Variants in SEMA3D observed in about 807,000 individuals in gnomAD.
The protein encoded by SEMA3D is semaphorin 3D.
In SEMA3D, 84 loss-of-function variants were observed where a neutral mutation model predicts 100.1. The observed-to-expected ratio is 0.84, with a 90% CI of 0.70 to 1.01. SEMA3D has a LOEUF of 1.01. Among genes scored for constraint, SEMA3D ranks in the 50% least tolerant of loss-of-function variants. The pLI, the probability that SEMA3D is intolerant of heterozygous loss-of-function variation, is 0.00. For missense variants in SEMA3D, 875 were observed against 934.1 expected, an observed-to-expected ratio of 0.94 and a Z score of 0.82; for synonymous variants, 312 against 320.7, an observed-to-expected ratio of 0.97 and a Z score of 0.29.
At chr7:85,109,047 A>T (rs1789014640) in intron 3 of SEMA3D, among the ~76,000 whole-genome samples, 1 of 151,954 alleles carries the variant, frequency 6.6e-6, no homozygotes, top group South Asian at 2.1e-4. Flanking sequence ...AACTACAATT[A>T]TATTCTTAAA....
chr7:85,066,913 C>CATACACACACACAGAGAGAGAG lies in SEMA3D; in HGVS notation c.589+1277_589+1278insCTCTCTCTCTGTGTGTGTGTAT. Among the ~76,000 whole-genome samples, 427 of 127,806 alleles carry CATACACACACACAGAGAGAGAG rather than the reference C, an allele frequency of 3.3e-3. 3 individuals are homozygous for CATACACACACACAGAGAGAGAG. The highest frequency in any genetic ancestry group is 4.0e-3 in the African/African-American group (127 of 31,750). The allele number at this position is 127,806 out of a possible 152,430, so 83.8% of individuals were successfully genotyped here. A position where few individuals can be genotyped will look rare whatever the true frequency, so the allele number is the denominator to read the frequency against. On this transcript the variant is annotated intron_variant, in intron 7 of 18. Coordinates refer to ENST00000284136, the MANE Select transcript of SEMA3D (RefSeq NM_001384900.1). ...GCGCTCACACACACACACACACACA[C>CATACACACACACAGAGAGAGAG]AGAGAGAGAGAGAGAGAGAGAGAGA...
intron 2 of SEMA3D, among the ~76,000 whole-genome samples, chr7:85,134,909 A>G (rs1231134780): frequency 6.6e-6 from 1 of 152,044 alleles, no homozygotes; most frequent in Non-Finnish European, 1.5e-5. Context: ...AGATGTTATA[A>G]AGATTCATAC....
At chr7:85,151,705 A>G (rs760249039) in intron 2 of SEMA3D, 18 of 979,238 alleles carry the variant, frequency 1.8e-5, no homozygotes, top group Non-Finnish European at 2.2e-5. Flanking sequence ...AGCATCTTGT[A>G]CTGGTAGAGC....
At chr7:85,190,147 T>C (rs145250133), upstream of SEMA3D, among the ~76,000 whole-genome samples, 201 of 152,242 alleles carry the variant, frequency 1.3e-3, 2 homozygotes, top group African/African-American at 4.4e-3. Flanking sequence ...TCTACAATCC[T>C]AGTTCTCTCT....
the SEMA3D span, among the ~76,000 whole-genome samples, chr7:85,228,812 T>A: frequency 1.3e-5 from 2 of 152,074 alleles, no homozygotes; most frequent in African/African-American, 4.8e-5. Context: ...GAACACATTT[T>A]TAATTCATTG....
intron 2 of SEMA3D, chr7:85,142,084 G>T (rs1381202058): frequency 1.0e-6 from 1 of 983,672 alleles, no homozygotes; most frequent in East Asian, 1.1e-4. Flanking sequence ...CTATACAGAA[G>T]TTGGCAATGC....
At chr7:85,056,521 T>G in intron 8 of SEMA3D, among the ~76,000 whole-genome samples, 1 of 151,640 alleles carries the variant, frequency 6.6e-6, no homozygotes, top group Non-Finnish European at 1.5e-5. Context: ...TATGTGTATA[T>G]ACATAGCATT....
intron 4 of SEMA3D, among the ~76,000 whole-genome samples, chr7:85,087,700 A>G (rs1160749205): frequency 6.6e-6 from 1 of 152,218 alleles, no homozygotes; most frequent in East Asian, 1.9e-4. Context: ...ATGTCTCATA[A>G]GCCAGTCCTC....
At chr7:85,188,466 T>C (rs1791622322), upstream of SEMA3D, among the ~76,000 whole-genome samples, 1 of 152,228 alleles carries the variant, frequency 6.6e-6, no homozygotes. Flanking sequence ...ACTCATTCTG[T>C]ACATAGTCAT....
the SEMA3D span, among the ~76,000 whole-genome samples, chr7:85,244,656 T>TA: frequency 6.6e-6 from 1 of 151,500 alleles, no homozygotes; most frequent in South Asian, 2.1e-4. Context: ...TATGTAGTGT[T>TA]AAAATCTAAA....
chr7:85,052,908 A>G (rs1354346639), intron 9 of SEMA3D, among the ~76,000 whole-genome samples: 1 of 152,008 alleles, frequency 6.6e-6, no homozygotes, highest in Non-Finnish European at 1.5e-5. Flanking sequence ...CCATTTTTAT[A>G]TAATGTTTCT....
At chr7:85,066,312 T>C (rs2116148938) in intron 7 of SEMA3D, among the ~76,000 whole-genome samples, 1 of 147,996 alleles carries the variant, frequency 6.8e-6, no homozygotes, top group South Asian at 2.2e-4. Flanking sequence ...AGAGAAGGGA[T>C]GGTGAGAAGG....
the SEMA3D span, among the ~76,000 whole-genome samples, chr7:85,223,538 TTGTG>T: frequency 6.7e-6 from 1 of 148,666 alleles, no homozygotes; most frequent in Non-Finnish European, 1.5e-5. Context: ...TATCATATAT[TTGTG>T]TGTGTGTGTG....
chr7:85,103,098 C>T (rs1291629079), intron 3 of SEMA3D, among the ~76,000 whole-genome samples: 1 of 152,074 alleles, frequency 6.6e-6, no homozygotes, highest in Non-Finnish European at 1.5e-5. Context: ...GACTTTGGGA[C>T]AGGGATTGGA....
intron 4 of SEMA3D, among the ~76,000 whole-genome samples, chr7:85,085,490 A>G (rs1171439369): frequency 6.6e-6 from 1 of 152,194 alleles, no homozygotes; most frequent in African/African-American, 2.4e-5. Flanking sequence ...AAACCTAAAT[A>G]AAAGTTTCAA....
chr7:85,057,127 G>A lies in SEMA3D; in HGVS notation c.719-1268C>T, dbSNP rs1193170015. 2.0e-5 allele frequency among the ~76,000 whole-genome samples: 3 copies of A among 151,874 alleles called. No individual in the cohort carries two copies. The East Asian group carries it at 5.8e-4, about 29-fold the overall frequency. ...CTGTAGGTACTGACCTGGAAAGATG[G>A]CCATAATATATGTACAGTGTAAAAA... On this transcript the variant is annotated intron_variant, in intron 8 of 18. Coordinates refer to ENST00000284136, the MANE Select transcript of SEMA3D (RefSeq NM_001384900.1).
At chr7:85,036,507 G>A (rs184261348) in intron 12 of SEMA3D, among the ~76,000 whole-genome samples, 20 of 152,254 alleles carry the variant, frequency 1.3e-4, no homozygotes, top group Admixed American at 1.0e-3. Flanking sequence ...CAAAGTAGAA[G>A]TGGGGATTAG....
the SEMA3D span, among the ~76,000 whole-genome samples, chr7:85,197,108 A>G: frequency 3.9e-5 from 6 of 152,174 alleles, no homozygotes; most frequent in Admixed American, 3.9e-4. Flanking sequence ...TGTTTTATCC[A>G]AAAACATGTT....
chr7:85,058,747 C>T (rs1318462397), intron 8 of SEMA3D, among the ~76,000 whole-genome samples: 9 of 64,274 alleles, frequency 1.4e-4, no homozygotes, highest in Non-Finnish European at 2.2e-4. Context: ...GACTCCACTA[C>T]AAAAAAAAAA....
Sources: allele counts gnomAD v4.1 joint callset (sites outside exome capture counted in the v4.1 genomes callset), GRCh38; gene constraint gnomAD v4.1.1; transcripts MANE v1.5; gene names NCBI Gene and HGNC (gene_info 2026-07-23, HGNC 2026-07-21).